FAM120A: variants seen among roughly 807,000 people sequenced by gnomAD.
FAM120A encodes family with sequence similarity 120 member A.
Under a neutral mutation model 109.7 loss-of-function variants are expected in FAM120A, and 15 were observed. The ratio of observed to expected loss-of-function variants is 0.14; its 90% CI spans 0.09 to 0.21. The LOEUF (loss-of-function observed/expected upper bound fraction) is 0.21, where lower values mean the gene tolerates loss of function less well. Ranked by LOEUF, FAM120A falls within the 10% of genes least tolerant of loss-of-function variation. The pLI is 1.00. For synonymous variants in FAM120A, 493 were observed against 572.8 expected, an observed-to-expected ratio of 0.86 and a Z score of 1.99; for missense variants, 899 against 1,439.3, an observed-to-expected ratio of 0.62 and a Z score of 6.07.
In FAM120A at chr9:93,451,992, T is replaced by C; in HGVS notation, c.77T>C (p.Leu26Pro). 6.5e-7 allele frequency: 1 copy of C among 1,548,428 alleles called. No homozygotes were observed. The highest frequency in any genetic ancestry group is 8.7e-7 in the Non-Finnish European group (1 of 1,147,588). The change falls in exon 1 of 18, where the codon CTG becomes CCG. Residue 26 changes from leucine to proline, a missense_variant. Transcript: ENST00000277165. ...SAVVPVELQK[L>P]ARGSLVGGGR... ...GTGGTGCCGGTGGAGCTGCAGAAGCTGGCCCGGGGCAGCCTGGTGGGCGGC... is the reference window on the plus strand; with the variant it reads ...GTGGTGCCGGTGGAGCTGCAGAAGCCGGCCCGGGGCAGCCTGGTGGGCGGC...
chr9:93,524,233 T>G (rs1860970850), intron 7 of FAM120A, among the ~76,000 whole-genome samples: 1 of 152,264 alleles, frequency 6.6e-6, no homozygotes, highest in Non-Finnish European at 1.5e-5. Flanking sequence ...TGCTCTTTCC[T>G]GTTGACACAG....
At chr9:93,552,761 A>G (rs1304660937) in intron 12 of FAM120A, among the ~76,000 whole-genome samples, 5 of 152,230 alleles carry the variant, frequency 3.3e-5, no homozygotes, top group Non-Finnish European at 5.9e-5. Flanking sequence ...ATCAAAAGCA[A>G]CAACAGTGCT....
intron 1 of FAM120A, chr9:93,453,578 G>A: frequency 1.0e-6 from 1 of 985,414 alleles, no homozygotes; most frequent in South Asian, 4.7e-5. Context: ...TGGTAGTTAA[G>A]CCTAAAATGA....
At chr9:93,539,495 A>C (rs148307408) in intron 10 of FAM120A, among the ~76,000 whole-genome samples, 2 of 152,326 alleles carry the variant, frequency 1.3e-5, no homozygotes, top group East Asian at 3.9e-4. Flanking sequence ...ACCTCCAGGA[A>C]TCTCTTACTG....
At chr9:93,504,888 T>C (rs1213965193) in intron 5 of FAM120A, among the ~76,000 whole-genome samples, 3 of 152,116 alleles carry the variant, frequency 2.0e-5, no homozygotes, top group Non-Finnish European at 2.9e-5. Context: ...AACCCTCTCA[T>C]TGCTCCACGT....
intron 7 of FAM120A, among the ~76,000 whole-genome samples, chr9:93,521,692 C>G (rs374099105): frequency 1.7e-4 from 26 of 152,124 alleles, no homozygotes; most frequent in African/African-American, 5.8e-4. Flanking sequence ...CATACACTTG[C>G]TTTATTCTTG....
intron 3 of FAM120A, among the ~76,000 whole-genome samples, chr9:93,488,418 A>G (rs551799696): frequency 9.2e-5 from 14 of 151,548 alleles, no homozygotes; most frequent in Non-Finnish European, 1.8e-4. Context: ...TCCACATGTC[A>G]GTGTTCTGTA....
chr9:93,455,341 A>T (rs1419219434), intron 1 of FAM120A, among the ~76,000 whole-genome samples: 1 of 152,206 alleles, frequency 6.6e-6, no homozygotes, highest in Admixed American at 6.5e-5. Flanking sequence ...CTGAGAGTAG[A>T]GGAGGGGAAG....
At chr9:93,556,126 C>T (rs376030135) in intron 12 of FAM120A, among the ~76,000 whole-genome samples, 43 of 152,298 alleles carry the variant, frequency 2.8e-4, no homozygotes, top group African/African-American at 9.6e-4. Context: ...CACTGCGGAA[C>T]GCTTTATAAA....
intron 12 of FAM120A, among the ~76,000 whole-genome samples, chr9:93,555,571 A>G (rs1027177192): frequency 2.0e-5 from 3 of 152,226 alleles, no homozygotes; most frequent in African/African-American, 7.2e-5. Flanking sequence ...TTGATCCTGG[A>G]TAATCCACAA....
rs376595124 is a variant in FAM120A at position 93,485,494 on chromosome 9, G to A, written c.804+9156G>A. ...CCCCTGTAGTCCCAACTACTTGACA[G>A]ACTGAAGTGGAAGGATTGCTTGAGC... On this transcript the variant is annotated intron_variant, in intron 3 of 17. Transcript: ENST00000277165. Among the ~76,000 whole-genome samples, 190 of 152,280 alleles carry A rather than the reference G, an allele frequency of 1.2e-3. 1 individual carries two copies. In the South Asian group the frequency reaches 0.014, roughly 11 times the overall value.
chr9:93,476,138 T>C, intron 2 of FAM120A, 118 bp from the exon 3 acceptor site: 1 of 633,848 alleles, frequency 1.6e-6, no homozygotes, highest in Non-Finnish European at 2.8e-6. Context: ...AGATGAAGAT[T>C]TGTTCTCAGT....
chr9:93,532,148 T>C lies in FAM120A; in HGVS notation c.1735-7T>C, dbSNP rs1861353492. On this transcript the variant is annotated splice_polypyrimidine_tract_variant and splice_region_variant and intron_variant, in intron 9 of 17. Coordinates refer to ENST00000277165, the MANE Select transcript of FAM120A (RefSeq NM_014612.5). This position sits in a 1 kb window ranked among gnomAD's most constrained non-coding sequence, Gnocchi z 4.3. ...TGCAATGTTATTCTGCTTTCTTCCA[T>C]GCAAAGGGTGAAATCAAAATTGCTG... The C allele has an allele frequency of 1.2e-6, 2 of 1,613,166 alleles. No homozygotes were observed. Among genetic ancestry groups the C allele is most frequent in the Non-Finnish European group, 1.7e-6 (2 of 1,179,400 alleles).
chr9:93,553,378 G>C (rs916034872), intron 12 of FAM120A, among the ~76,000 whole-genome samples: 2 of 152,202 alleles, frequency 1.3e-5, no homozygotes, highest in African/African-American at 4.8e-5. Flanking sequence ...AAAATGAAGA[G>C]CTTTAAAGAC....
At chr9:93,453,185 C>T (rs1485028559) in intron 1 of FAM120A, 4 of 999,146 alleles carry the variant, frequency 4.0e-6, no homozygotes, top group Middle Eastern at 5.0e-4. Flanking sequence ...GGCGTGAACT[C>T]GCAGGATTTA....
At chr9:93,517,412 T>C (rs1860648400) in intron 7 of FAM120A, among the ~76,000 whole-genome samples, 1 of 152,224 alleles carries the variant, frequency 6.6e-6, no homozygotes, top group Non-Finnish European at 1.5e-5. Context: ...AATCTCTGGT[T>C]GGGGCCCCCA....
rs147446055 is a variant in FAM120A, at chr9:93,453,536, C to G, written c.474+1147C>G. On this transcript the variant is annotated intron_variant, in intron 1 of 17. Coordinates refer to ENST00000277165, the MANE Select transcript of FAM120A (RefSeq NM_014612.5). The stretch of plus-strand genomic sequence containing the variant: ...CTGAAAGTTTGTGAAATTCTGTCTT[C>G]GCGGTTGCCCCCACTGCCCGCGAGG... 1.6e-5 allele frequency: 16 copies of G among 985,428 alleles called. No homozygotes were observed. The East Asian group carries it at 1.8e-3, about 112-fold the overall frequency. 61.0% of individuals were successfully genotyped at this position (985,428 alleles called of 1,614,324 possible).
chr9:93,544,751 C>A (rs1380133550), intron 11 of FAM120A, among the ~76,000 whole-genome samples: 3 of 152,138 alleles, frequency 2.0e-5, no homozygotes, highest in Non-Finnish European at 4.4e-5. Context: ...GACAAGGAAC[C>A]TGTTCCTGTT....
intron 12 of FAM120A, among the ~76,000 whole-genome samples, chr9:93,552,450 G>A (rs1363035258): frequency 1.3e-5 from 2 of 152,218 alleles, no homozygotes; most frequent in Admixed American, 6.5e-5. Context: ...TCTGGAGGTC[G>A]ACAGTTCCCT....
Sources: allele counts gnomAD v4.1 joint callset (sites outside exome capture counted in the v4.1 genomes callset), GRCh38; gene constraint gnomAD v4.1.1; non-coding constraint Gnocchi (gnomAD v3.1); transcripts MANE v1.5; gene names NCBI Gene and HGNC (gene_info 2026-07-23, HGNC 2026-07-21).